Variants in GAS7 observed in about 807,000 individuals in gnomAD.
GAS7 encodes growth arrest-specific protein 7.
A neutral mutation model predicts 71.1 loss-of-function variants in GAS7; 28 were observed. The observed-to-expected ratio is 0.39, with a 90% CI of 0.29 to 0.54. GAS7 has a LOEUF of 0.54. Among genes scored for constraint, GAS7 ranks in the 20% least tolerant of loss-of-function variants. The pLI is 0.62. For missense variants in GAS7, 436 were observed against 627.8 expected, an observed-to-expected ratio of 0.69 and a Z score of 3.27; for synonymous variants, 258 against 245.8, an observed-to-expected ratio of 1.05 and a Z score of -0.46.
intron 1 of GAS7, among the ~76,000 whole-genome samples, chr17:10,181,224 G>A (rs1336482365): frequency 6.6e-6 from 1 of 151,702 alleles, no homozygotes; most frequent in Non-Finnish European, 1.5e-5. Context: ...GCTGGGCGTG[G>A]TGGTGCATGC....
intron 2 of GAS7, among the ~76,000 whole-genome samples, chr17:9,982,921 C>A (rs1463459621): frequency 6.6e-6 from 1 of 152,098 alleles, no homozygotes; most frequent in African/African-American, 2.4e-5. Flanking sequence ...ATAGTATTGT[C>A]CCCCAAACAC....
At chr17:9,935,473 G>A (rs1597480930) in intron 8 of GAS7, among the ~76,000 whole-genome samples, 3 of 152,186 alleles carry the variant, frequency 2.0e-5, no homozygotes, top group East Asian at 3.8e-4. Flanking sequence ...GTAAATCCAG[G>A]CTGAATGTTC....
At chr17:9,943,018 T>C (rs1021042977) in intron 7 of GAS7, 103 bp downstream of exon 7, 2 of 693,598 alleles carry the variant, frequency 2.9e-6, no homozygotes, top group East Asian at 5.0e-5. Context: ...AGCCCAATGC[T>C]GAGTGTGCAG....
intron 3 of GAS7, among the ~76,000 whole-genome samples, chr17:9,973,603 T>A (rs2070063146): frequency 6.6e-6 from 1 of 152,224 alleles, no homozygotes; most frequent in Non-Finnish European, 1.5e-5. Flanking sequence ...TAATTCTGTA[T>A]CTTCAACACC....
intron 5 of GAS7, among the ~76,000 whole-genome samples, chr17:9,955,079 C>A (rs965622704): frequency 6.6e-6 from 1 of 152,196 alleles, no homozygotes; most frequent in African/African-American, 2.4e-5. Flanking sequence ...GAACCAGCTT[C>A]CTAATTCCTG....
intron 1 of GAS7, among the ~76,000 whole-genome samples, chr17:10,143,200 C>A (rs2074096670): frequency 6.6e-6 from 1 of 151,664 alleles, no homozygotes; most frequent in South Asian, 2.1e-4. Flanking sequence ...CAAAAAAAAT[C>A]TGTATGTTGA....
At chr17:9,937,620 C>T (rs763016121) in intron 8 of GAS7, among the ~76,000 whole-genome samples, 6 of 152,220 alleles carry the variant, frequency 3.9e-5, no homozygotes, top group Non-Finnish European at 7.3e-5. Context: ...CAAAGGAGGC[C>T]GCCTGGCTGC....
chr17:10,060,168 C>T (rs886459241), intron 1 of GAS7, among the ~76,000 whole-genome samples: 1 of 152,190 alleles, frequency 6.6e-6, no homozygotes, highest in Non-Finnish European at 1.5e-5. Context: ...CTCCTTAAAG[C>T]GCCGAGGAGA....
chr17:10,168,725 C>T (rs2074313150), intron 1 of GAS7, among the ~76,000 whole-genome samples: 1 of 152,180 alleles, frequency 6.6e-6, no homozygotes, highest in African/African-American at 2.4e-5. Context: ...GTAATCCCAG[C>T]ACTTTGGGAG....
intron 1 of GAS7, among the ~76,000 whole-genome samples, chr17:10,165,291 CAAAAAAAAAA>C (rs71365731): frequency 1.0e-4 from 8 of 77,662 alleles, no homozygotes; most frequent in East Asian, 3.4e-4. Context: ...GATTCCTTCT[CAAAAAAAAAA>C]AAAAAAAAAA....
intron 4 of GAS7, among the ~76,000 whole-genome samples, chr17:9,965,511 G>A (rs868648407): frequency 1.3e-5 from 2 of 152,046 alleles, no homozygotes; most frequent in Non-Finnish European, 2.9e-5. Context: ...AGGACCTATC[G>A]GGGCGTGGGG....
intron 7 of GAS7, among the ~76,000 whole-genome samples, chr17:9,940,615 C>T (rs2068568690): frequency 6.6e-6 from 1 of 152,230 alleles, no homozygotes; most frequent in Non-Finnish European, 1.5e-5. Context: ...AGCCCCAGAA[C>T]TCCCAGGTGG....
intron 1 of GAS7, among the ~76,000 whole-genome samples, chr17:10,098,708 C>T (rs2073668785): frequency 6.6e-6 from 1 of 152,182 alleles, no homozygotes; most frequent in African/African-American, 2.4e-5. Context: ...GCCTGTAATC[C>T]CAGCACTTTG....
intron 1 of GAS7, among the ~76,000 whole-genome samples, chr17:10,166,121 T>G (rs998245559): frequency 1.3e-5 from 2 of 151,964 alleles, no homozygotes; most frequent in Non-Finnish European, 2.9e-5. Context: ...CTCCTGAGCT[T>G]CAAGAGATCC....
At chr17:10,107,112 G>A (rs1395298951) in intron 1 of GAS7, among the ~76,000 whole-genome samples, 1 of 152,184 alleles carries the variant, frequency 6.6e-6, no homozygotes, top group Admixed American at 6.5e-5. Flanking sequence ...CAGCCCTGCC[G>A]ACACCTTAAT....
chr17:9,954,471 ATGGGGGG>A (rs59660698), intron 5 of GAS7, among the ~76,000 whole-genome samples: 145,905 of 147,252 alleles, frequency 0.99, 72,280 homozygotes, highest in Non-Finnish European at 1. Flanking sequence ...GTGATGGGGG[ATGGGGGG>A]TGGGGGGTGG....
intron 1 of GAS7, among the ~76,000 whole-genome samples, chr17:10,097,419 C>T (rs1403857022): frequency 6.6e-6 from 1 of 152,176 alleles, no homozygotes; most frequent in Non-Finnish European, 1.5e-5. Flanking sequence ...ATAGATCTTA[C>T]ACACAGCCAC....
chr17:10,125,000 A>G (rs1184814685), intron 1 of GAS7, among the ~76,000 whole-genome samples: 1 of 151,850 alleles, frequency 6.6e-6, no homozygotes, highest in Non-Finnish European at 1.5e-5. Flanking sequence ...CATTTCCTGG[A>G]AATTACTCTC....
At chr17:10,042,250 G>A (rs2072881891) in intron 1 of GAS7, among the ~76,000 whole-genome samples, 1 of 147,680 alleles carries the variant, frequency 6.8e-6, no homozygotes, top group South Asian at 2.2e-4. Context: ...AGCTGAGATA[G>A]TGCCACCGCA....
Sources: gnomAD v4.1 joint callset for allele counts (sites outside exome capture counted in the v4.1 genomes callset) on GRCh38, gnomAD v4.1.1 for gene constraint, MANE v1.5 for transcripts, NCBI Gene and HGNC (gene_info 2026-07-23, HGNC 2026-07-21) for gene names.